EXOC4: variants seen among roughly 807,000 people sequenced by gnomAD.
EXOC4 encodes the protein exocyst complex component 4, also known as SEC8-like 1.
In EXOC4, 71 loss-of-function variants were observed where a neutral mutation model predicts 107.2. The observed-to-expected ratio is 0.66, with a 90% CI of 0.55 to 0.81. The LOEUF is 0.81. Among genes scored for constraint, EXOC4 ranks in the 30% least tolerant of loss-of-function variants. The pLI is 0.00. For missense variants in EXOC4, 1,108 were observed against 1,189.6 expected, an observed-to-expected ratio of 0.93 and a Z score of 1.01; for synonymous variants, 456 against 441.2, an observed-to-expected ratio of 1.03 and a Z score of -0.42.
At chr7:134,007,391 A>G (rs1463894472) in intron 16 of EXOC4, among the ~76,000 whole-genome samples, 1 of 152,178 alleles carries the variant, frequency 6.6e-6, no homozygotes, top group Non-Finnish European at 1.5e-5. Flanking sequence ...CTCTTCTCTA[A>G]GGCCTTGGCA....
chr7:133,455,081 T>A (rs896124605), intron 7 of EXOC4, among the ~76,000 whole-genome samples: 2 of 151,998 alleles, frequency 1.3e-5, no homozygotes, highest in African/African-American at 4.8e-5. Context: ...TGAGACCCTG[T>A]CTCCAAAAAA....
intron 13 of EXOC4, among the ~76,000 whole-genome samples, chr7:133,920,246 G>T (rs185694910): frequency 6.6e-6 from 1 of 152,126 alleles, no homozygotes; most frequent in African/African-American, 2.4e-5. Context: ...TTCTTGTTCA[G>T]TTTTAAGAGT....
At chr7:133,264,603 A>C (rs1282561692) in intron 1 of EXOC4, among the ~76,000 whole-genome samples, 2 of 152,152 alleles carry the variant, frequency 1.3e-5, no homozygotes, top group Non-Finnish European at 2.9e-5. Flanking sequence ...GGGAAGCCGT[A>C]TCTTATGTGA....
At chr7:133,297,337 G>C (rs866836376) in intron 3 of EXOC4, among the ~76,000 whole-genome samples, 6 of 152,098 alleles carry the variant, frequency 3.9e-5, no homozygotes. Flanking sequence ...TCATTTTGTT[G>C]CTCTGATTTG....
At chr7:133,333,012 G>A (rs7792634) in intron 5 of EXOC4, among the ~76,000 whole-genome samples, 46,085 of 152,030 alleles carry the variant, frequency 0.3, 8,023 homozygotes, top group African/African-American at 0.48. Context: ...TATTTCAAGT[G>A]CAGTACACAT....
intron 9 of EXOC4, among the ~76,000 whole-genome samples, chr7:133,487,444 C>T (rs570734503): frequency 6.6e-6 from 1 of 152,334 alleles, no homozygotes; most frequent in Middle Eastern, 3.4e-3. Context: ...CATGGTGGCT[C>T]ACTCCTGTAA....
intron 2 of EXOC4, among the ~76,000 whole-genome samples, chr7:133,280,925 G>A (rs959908355): frequency 2.6e-5 from 4 of 152,140 alleles, no homozygotes; most frequent in Non-Finnish European, 5.9e-5. Flanking sequence ...GCTAAACAGT[G>A]GGTAATAATG....
chr7:133,580,934 A>T (rs11767710), intron 9 of EXOC4, among the ~76,000 whole-genome samples: 3,877 of 152,326 alleles, frequency 0.025, 69 homozygotes, highest in Non-Finnish European at 0.039. Flanking sequence ...ACATGAATAC[A>T]CATGTCCAGT....
chr7:133,432,279 T>A (rs1797872855), intron 7 of EXOC4, among the ~76,000 whole-genome samples: 1 of 152,182 alleles, frequency 6.6e-6, no homozygotes. Flanking sequence ...GCTCTACATC[T>A]AATTAGTTAT....
chr7:133,348,683 C>T (rs1373431898), intron 5 of EXOC4, among the ~76,000 whole-genome samples: 2 of 152,094 alleles, frequency 1.3e-5, no homozygotes, highest in Non-Finnish European at 1.5e-5. Flanking sequence ...GCTTGTTGGC[C>T]GCTAAATACT....
chr7:133,835,625 G>C (rs986382865), intron 11 of EXOC4, among the ~76,000 whole-genome samples: 11 of 152,158 alleles, frequency 7.2e-5, no homozygotes, highest in African/African-American at 2.7e-4. Context: ...TTAGTGAATT[G>C]GGGGTCCCAA....
At position 134,003,712 on chromosome 7, in the gene EXOC4, T is replaced by A. The variant is rs1794579600; in HGVS notation, c.2349-1200T>A. 5.3e-5 allele frequency among the ~76,000 whole-genome samples: 8 copies of A among 151,590 alleles called. 1 individual carries two copies. The South Asian group carries it at 1.7e-3, about 32-fold the overall frequency. ...GGCTTATGGAACAGCCTGTTTGAACTCTGCCTGCCAAGGGATACTATTGGT... is the reference window on the plus strand; with the variant it reads ...GGCTTATGGAACAGCCTGTTTGAACACTGCCTGCCAAGGGATACTATTGGT... On this transcript the variant is annotated intron_variant, in intron 15 of 17. Coordinates refer to ENST00000253861, the MANE Select transcript of EXOC4 (RefSeq NM_021807.4).
chr7:133,529,967 C>T (rs955650712), intron 9 of EXOC4, among the ~76,000 whole-genome samples: 1 of 152,112 alleles, frequency 6.6e-6, no homozygotes, highest in Non-Finnish European at 1.5e-5. Context: ...TACTATGTGC[C>T]AGCCACATAC....
chr7:133,695,941 T>C (rs1226364783), intron 10 of EXOC4, among the ~76,000 whole-genome samples: 1 of 152,242 alleles, frequency 6.6e-6, no homozygotes, highest in Non-Finnish European at 1.5e-5. Context: ...TAATGTTTTA[T>C]TATATGAAGA....
chr7:133,712,690 A>G (rs755519485), intron 10 of EXOC4, among the ~76,000 whole-genome samples: 8 of 152,230 alleles, frequency 5.3e-5, no homozygotes, highest in Non-Finnish European at 1.0e-4. Flanking sequence ...TAGCTGAAAG[A>G]TAGAAATAGC....
At chr7:133,525,474 G>A (rs1800061799) in intron 9 of EXOC4, among the ~76,000 whole-genome samples, 1 of 152,178 alleles carries the variant, frequency 6.6e-6, no homozygotes, top group South Asian at 2.1e-4. Flanking sequence ...TTATGCTGGA[G>A]TTGGTGAGAC....
At chr7:133,833,247 GAA>G (rs759085567) in intron 11 of EXOC4, among the ~76,000 whole-genome samples, 2 of 128,006 alleles carry the variant, frequency 1.6e-5, no homozygotes, top group Non-Finnish European at 1.7e-5. Context: ...CCCTGAGAAG[GAA>G]AAAAAAAAAA....
At chr7:133,347,297 G>A (rs148132707) in intron 5 of EXOC4, among the ~76,000 whole-genome samples, 1 of 150,228 alleles carries the variant, frequency 6.7e-6, no homozygotes, top group Non-Finnish European at 1.5e-5. Flanking sequence ...AGGCTAGAGT[G>A]CAGTGGTGCG....
chr7:133,338,746 GTCTTT>G (rs1202759237), intron 5 of EXOC4, among the ~76,000 whole-genome samples: 2 of 121,930 alleles, frequency 1.6e-5, no homozygotes, highest in African/African-American at 6.4e-5. Flanking sequence ...CAATGGTGTA[GTCTTT>G]TTTTTTTTTT....
Sources: allele counts gnomAD v4.1 joint callset (sites outside exome capture counted in the v4.1 genomes callset), GRCh38; gene constraint gnomAD v4.1.1; transcripts MANE v1.5; gene names NCBI Gene and HGNC (gene_info 2026-07-23, HGNC 2026-07-21).